The following IQCM variants were observed in gnomAD, a reference collection of about 807,000 sequenced individuals.
IQCM encodes IQ domain-containing protein M.
A neutral mutation model predicts 57.6 loss-of-function variants in IQCM; 45 were observed. That is an observed-to-expected ratio of 0.78 (90% CI 0.62 to 1.00). The LOEUF is 1.00. Ranked by LOEUF, IQCM falls within the 50% of genes least tolerant of loss-of-function variation. IQCM has a pLI of 0.00. For missense variants in IQCM, 468 were observed against 511.6 expected, an observed-to-expected ratio of 0.91 and a Z score of 0.82; for synonymous variants, 148 against 158.9, an observed-to-expected ratio of 0.93 and a Z score of 0.51.
chr4:149,596,357 G>A (rs1753781236), intron 8 of IQCM, among the ~76,000 whole-genome samples: 1 of 152,126 alleles, frequency 6.6e-6, no homozygotes, highest in African/African-American at 2.4e-5. Context: ...ATTCCATTCT[G>A]GCCAAACACT....
At chr4:149,728,051 G>A (rs1251780991) in intron 5 of IQCM, among the ~76,000 whole-genome samples, 6 of 152,170 alleles carry the variant, frequency 3.9e-5, no homozygotes, top group Admixed American at 3.9e-4. Flanking sequence ...AGAGCCAGTT[G>A]TTAAACATGT....
At chr4:149,368,235 T>C (rs1729976278) in intron 13 of IQCM, among the ~76,000 whole-genome samples, 1 of 152,004 alleles carries the variant, frequency 6.6e-6, no homozygotes, top group African/African-American at 2.4e-5. Flanking sequence ...AATAATTAAT[T>C]GTTTTGGACT....
chr4:149,767,704 C>T, intron 2 of IQCM, among the ~76,000 whole-genome samples: 1 of 151,994 alleles, frequency 6.6e-6, no homozygotes, highest in East Asian at 1.9e-4. Context: ...ATGGTAACTG[C>T]ACTTTTTCAT....
chr4:149,621,234 G>A lies in IQCM; in HGVS notation c.576C>T (p.Phe192=), dbSNP rs578258682. Residue 192 remains phenylalanine (F), a synonymous_variant, in exon 8 of 14, where the codon TTC becomes TTT. Coordinates refer to ENST00000636793, the MANE Select transcript of IQCM (RefSeq NM_001363507.2). The part of the protein sequence containing the change: ...LELLKEPDKA[F]YDWRGFVLTR... ...TCAGCACAAATCCTCTCCAGTCATA[G>A]AATGCTTTGTCTGTTAGAAATATCA... is the stretch of plus-strand genomic sequence containing the variant. 16 of 1,229,240 alleles carry A rather than the reference G, an allele frequency of 1.3e-5. No homozygotes were observed. The African/African-American group carries it at 2.3e-4, about 18-fold the overall frequency. The allele number at this position is 1,229,240 out of a possible 1,614,324, so 76.1% of individuals were successfully genotyped here.
chr4:149,388,774 T>TAC lies in IQCM; in HGVS notation c.1391-36710_1391-36709dup, dbSNP rs200786025. Among the ~76,000 whole-genome samples, 1,493 of 144,826 alleles carry TAC rather than the reference T, an allele frequency of 0.01. 79 individuals are homozygous for TAC. The East Asian group carries it at 0.19, about 18-fold the overall frequency. On this transcript the variant is annotated intron_variant, in intron 13 of 13. Coordinates refer to ENST00000636793, the MANE Select transcript of IQCM (RefSeq NM_001363507.2). ...ATAATATATATATGACATATATATA[T>TAC]ACACACACACACACACATATAATCA...
chr4:149,545,457 T>G (rs967966073), intron 12 of IQCM, among the ~76,000 whole-genome samples: 1 of 152,098 alleles, frequency 6.6e-6, no homozygotes, highest in Non-Finnish European at 1.5e-5. Flanking sequence ...TAGATGATCA[T>G]CAGGGAAATG....
intron 12 of IQCM, among the ~76,000 whole-genome samples, chr4:149,474,888 A>G (rs1426429447): frequency 1.3e-5 from 2 of 152,098 alleles, no homozygotes; most frequent in African/African-American, 2.4e-5. Flanking sequence ...GGTGTTCAAA[A>G]AAACAGGGAA....
At chr4:149,498,524 G>C (rs1412393584) in intron 12 of IQCM, among the ~76,000 whole-genome samples, 1 of 152,088 alleles carries the variant, frequency 6.6e-6, no homozygotes, top group Non-Finnish European at 1.5e-5. Flanking sequence ...CAGCAACCCT[G>C]GTACAGCAGG....
intron 12 of IQCM, among the ~76,000 whole-genome samples, chr4:149,543,903 A>C (rs1477765423): frequency 6.6e-6 from 1 of 152,198 alleles, no homozygotes; most frequent in Non-Finnish European, 1.5e-5. Flanking sequence ...TTCTACAAAT[A>C]GGTGAACAAA....
At chr4:149,610,312 T>C (rs1755164488) in intron 8 of IQCM, among the ~76,000 whole-genome samples, 1 of 151,996 alleles carries the variant, frequency 6.6e-6, no homozygotes, top group Non-Finnish European at 1.5e-5. Context: ...CAAAGCAATC[T>C]ACAAATTCAG....
At chr4:149,366,809 C>T (rs1176927781) in intron 13 of IQCM, among the ~76,000 whole-genome samples, 2 of 151,722 alleles carry the variant, frequency 1.3e-5, no homozygotes, top group African/African-American at 2.4e-5. Flanking sequence ...ATGTGTTCCT[C>T]AATAAGTTCT....
At chr4:149,510,299 G>T (rs890148634) in intron 12 of IQCM, among the ~76,000 whole-genome samples, 5 of 151,938 alleles carry the variant, frequency 3.3e-5, no homozygotes, top group Admixed American at 2.6e-4. Context: ...AATAAAATTG[G>T]CCTATTTTTC....
chr4:149,745,856 C>T, intron 2 of IQCM, among the ~76,000 whole-genome samples: 1 of 152,020 alleles, frequency 6.6e-6, no homozygotes, highest in East Asian at 1.9e-4. Flanking sequence ...ATAGTCCCAG[C>T]TACTCTACTG....
rs1053524652 is a variant in IQCM, at chr4:149,433,387, A to G, written c.1390+9T>C. On this transcript the variant is annotated intron_variant, in intron 13 of 13. Coordinates refer to ENST00000636793, the MANE Select transcript of IQCM (RefSeq NM_001363507.2). The stretch of plus-strand genomic sequence containing the variant: ...TCTTTACAATAAAAAATAAGGTTCA[A>G]TATCTTACCTATATATCTATAACCT... 5.9e-6 allele frequency: 7 copies of G among 1,181,974 alleles called. No homozygotes were observed. The highest frequency in any genetic ancestry group is 1.6e-5 in the African/African-American group (1 of 63,218). The allele number at this position is 1,181,974 out of a possible 1,614,324, so 73.2% of individuals were successfully genotyped here. A position where few individuals can be genotyped will look rare whatever the true frequency, so the allele number is the denominator to read the frequency against.
chr4:149,476,677 C>G (rs1040536672), intron 12 of IQCM, among the ~76,000 whole-genome samples: 1 of 151,950 alleles, frequency 6.6e-6, no homozygotes, highest in African/African-American at 2.4e-5. Context: ...AGGCTGGATC[C>G]CATATATCTA....
intron 12 of IQCM, among the ~76,000 whole-genome samples, chr4:149,534,635 A>G (rs1747100199): frequency 6.6e-6 from 1 of 152,136 alleles, no homozygotes; most frequent in Admixed American, 6.6e-5. Flanking sequence ...GTTTTATGGT[A>G]GGAACATGAG....
chr4:149,578,535 T>C (rs1200014769), intron 9 of IQCM, among the ~76,000 whole-genome samples: 1 of 151,764 alleles, frequency 6.6e-6, no homozygotes, highest in Non-Finnish European at 1.5e-5. Flanking sequence ...TTTATTCCTC[T>C]TGGGGATACT....
chr4:149,608,634 T>C lies in IQCM; in HGVS notation c.681+12495A>G, dbSNP rs556742335. Among the ~76,000 whole-genome samples, 7 of 151,870 alleles carry C rather than the reference T, an allele frequency of 4.6e-5. No homozygotes were observed. The East Asian group carries it at 1.2e-3, about 25-fold the overall frequency. ...GAACTTTGAAAATGGTAGAAACATA[T>C]GGAACTTAATATATTCCCAAATGAC... On this transcript the variant is annotated intron_variant, in intron 8 of 13. Coordinates refer to ENST00000636793, the MANE Select transcript of IQCM (RefSeq NM_001363507.2).
chr4:149,671,462 T>C (rs1196137436), intron 7 of IQCM, among the ~76,000 whole-genome samples: 1 of 152,196 alleles, frequency 6.6e-6, no homozygotes, highest in Non-Finnish European at 1.5e-5. Context: ...AGGGTTTTTT[T>C]GTGTCTCTAT....
Sources: allele counts gnomAD v4.1 joint callset (sites outside exome capture counted in the v4.1 genomes callset), GRCh38; gene constraint gnomAD v4.1.1; transcripts MANE v1.5; gene names NCBI Gene and HGNC (gene_info 2026-07-23, HGNC 2026-07-21).